Variants in MRPL1 observed in about 807,000 individuals in gnomAD.
MRPL1 encodes the protein mitochondrial ribosomal protein L1.
A neutral mutation model predicts 38.0 loss-of-function variants in MRPL1; 28 were observed. The ratio of observed to expected loss-of-function variants is 0.74; its 90% confidence interval spans 0.55 to 1.01. The LOEUF is 1.01. Ranked by LOEUF, MRPL1 falls within the 50% of genes least tolerant of loss-of-function variation. The pLI is 0.00. For missense variants in MRPL1, 358 were observed against 389.8 expected (o/e 0.92, Z 0.69); for synonymous variants, 123 against 126.7 (o/e 0.97, Z 0.20).
At chr4:77,949,480 T>TG (rs1401925369) in intron 7 of MRPL1, among the ~76,000 whole-genome samples, 1 of 152,280 alleles carries the variant, frequency 6.6e-6, no homozygotes. Flanking sequence ...ACTGTTTTCT[T>TG]GGGGGGTGCG....
At chr4:77,874,254 GGGAT>G (rs1365891879) in intron 2 of MRPL1, among the ~76,000 whole-genome samples, 2 of 152,076 alleles carry the variant, frequency 1.3e-5, no homozygotes, top group South Asian at 2.1e-4. Context: ...CCAAAGTGCT[GGGAT>G]TACAGGTGTG....
chr4:77,932,217 G>A (rs535180305), intron 7 of MRPL1, among the ~76,000 whole-genome samples: 6 of 152,262 alleles, frequency 3.9e-5, no homozygotes, highest in South Asian at 2.1e-4. Flanking sequence ...CTGGAATTAC[G>A]GGGGTGACTA....
In MRPL1 at chr4:77,909,264, A is replaced by G. The variant is rs760789537; in HGVS notation, c.671-2A>G. ...ATTGTGGATTTTACTTTTTCTAACT[A>G]GATTCCATTGGCCGTGACATCCCCA... On this transcript the variant is annotated splice_acceptor_variant, in intron 6 of 8. Coordinates refer to ENST00000315567, the MANE Select transcript of MRPL1 (RefSeq NM_020236.4). LOFTEE classifies it high-confidence loss of function. 1.3e-6 allele frequency: 2 copies of G among 1,583,776 alleles called. No individual in the cohort carries two copies. The highest frequency in any genetic ancestry group is 2.3e-5 in the South Asian group (2 of 88,584).
At chr4:77,871,311 T>C (rs1201239636) in intron 1 of MRPL1, among the ~76,000 whole-genome samples, 2 of 150,980 alleles carry the variant, frequency 1.3e-5, no homozygotes, top group East Asian at 3.9e-4. Context: ...TATTACACTT[T>C]TTTTTTTTTT....
intron 6 of MRPL1, among the ~76,000 whole-genome samples, chr4:77,894,892 T>C (rs1158066413): frequency 6.6e-6 from 1 of 152,048 alleles, no homozygotes; most frequent in Non-Finnish European, 1.5e-5. Flanking sequence ...GATGAATTGA[T>C]TGAGGAGAAT....
chr4:77,925,517 CTTTT>C (rs1487912111), intron 7 of MRPL1, among the ~76,000 whole-genome samples: 6 of 151,496 alleles, frequency 4.0e-5, no homozygotes, highest in Non-Finnish European at 2.9e-5. Context: ...AAGTACTTTT[CTTTT>C]TAAGAACAGT....
At chr4:77,888,646 A>G (rs367654696) in intron 5 of MRPL1, among the ~76,000 whole-genome samples, 1 of 152,174 alleles carries the variant, frequency 6.6e-6, no homozygotes, top group Non-Finnish European at 1.5e-5. Flanking sequence ...CTGAAAATAT[A>G]AAAGATTTTT....
At chr4:77,908,795 G>C (rs4417999) in intron 6 of MRPL1, among the ~76,000 whole-genome samples, 1 of 152,074 alleles carries the variant, frequency 6.6e-6, no homozygotes, top group South Asian at 2.1e-4. Context: ...TGGCCAGAGA[G>C]GTGGTTTCAT....
chr4:77,930,582 G>A (rs1036085592), intron 7 of MRPL1, among the ~76,000 whole-genome samples: 4 of 152,218 alleles, frequency 2.6e-5, no homozygotes, highest in African/African-American at 9.6e-5. Context: ...AACATTAGCA[G>A]AGAAATTTGA....
chr4:77,947,233 A>T (rs939278456), intron 7 of MRPL1, among the ~76,000 whole-genome samples: 4 of 152,178 alleles, frequency 2.6e-5, no homozygotes, highest in Admixed American at 2.6e-4. Context: ...CCGACATAGT[A>T]AGGGTTGCTA....
chr4:77,898,920 A>G (rs1249577623), intron 6 of MRPL1, among the ~76,000 whole-genome samples: 1 of 151,962 alleles, frequency 6.6e-6, no homozygotes, highest in Non-Finnish European at 1.5e-5. Flanking sequence ...TCTTGCGGTC[A>G]TAGAACTAAC....
At chr4:77,939,783 A>G (rs1449572494) in intron 7 of MRPL1, among the ~76,000 whole-genome samples, 3 of 152,112 alleles carry the variant, frequency 2.0e-5, no homozygotes, top group Non-Finnish European at 2.9e-5. Flanking sequence ...TCCCAGCACT[A>G]TTTGTTGAAT....
Position 77,862,861 on chromosome 4 carries a change from G to C in MRPL1, c.13G>C (p.Val5Leu), listed in dbSNP as rs982925697. 6.2e-7 allele frequency: 1 copy of C among 1,613,988 alleles called. No individual in the cohort carries two copies. Among genetic ancestry groups the C allele is most frequent in the Non-Finnish European group, 8.5e-7 (1 of 1,180,020 alleles). ...CGGAGTGCCCAACATGGCGGCGGCC[G>C]TAAGGTGCATGGGTAGAGGTAAGGC... MAAA[V>L]RCMGRALIHH... Residue 5 changes from valine to leucine, a missense_variant, in exon 1 of 9, where the codon GTA (valine) becomes CTA (leucine). Physicochemically the swap from Val to Leu is conservative, Grantham distance 32. Coordinates refer to ENST00000315567, the MANE Select transcript of MRPL1 (RefSeq NM_020236.4).
chr4:77,891,879 T>G (rs1037858214), intron 5 of MRPL1, among the ~76,000 whole-genome samples: 4 of 152,196 alleles, frequency 2.6e-5, no homozygotes, highest in Admixed American at 2.6e-4. Flanking sequence ...GTAGAGGATC[T>G]GTTATTAGAG....
At chr4:77,876,212 A>C (rs1475371699) in intron 2 of MRPL1, among the ~76,000 whole-genome samples, 1 of 152,090 alleles carries the variant, frequency 6.6e-6, no homozygotes, top group Non-Finnish European at 1.5e-5. Flanking sequence ...ACCTCAAGTG[A>C]TCTGCCCGCC....
At chr4:77,945,633 C>T (rs189298750) in intron 7 of MRPL1, among the ~76,000 whole-genome samples, 33 of 151,848 alleles carry the variant, frequency 2.2e-4, no homozygotes, top group Admixed American at 1.8e-3. Context: ...AAGTGTCGGC[C>T]GGCTGAGAAA....
At chr4:77,911,146 T>A (rs1009725541) in intron 7 of MRPL1, among the ~76,000 whole-genome samples, 8 of 152,204 alleles carry the variant, frequency 5.3e-5, no homozygotes, top group South Asian at 4.1e-4. Context: ...CACTATGTGG[T>A]TTTGAAGATT....
intron 7 of MRPL1, among the ~76,000 whole-genome samples, chr4:77,915,556 A>G (rs1420759506): frequency 1.3e-5 from 2 of 152,138 alleles, no homozygotes; most frequent in African/African-American, 4.8e-5. Flanking sequence ...CTGGGACTAC[A>G]GGTGTGCGCC....
rs755463866 is a variant in MRPL1 at position 77,909,278 on chromosome 4, G to A, written c.683G>A (p.Arg228His). 10 of 1,606,070 alleles carry A rather than the reference G, an allele frequency of 6.2e-6. No homozygotes were observed. Among genetic ancestry groups the A allele is most frequent in the African/African-American group, 2.7e-5 (2 of 74,580 alleles). Residue 228 changes from arginine (R) to histidine (H), a missense_variant, in exon 7 of 9, where the codon CGT becomes CAT. Coordinates refer to ENST00000315567, the MANE Select transcript of MRPL1 (RefSeq NM_020236.4). ...YPKLSRNSIG[R>H]DIPKMLELFK... ...TTTTTCTAACTAGATTCCATTGGCC[G>A]TGACATCCCCAAAATGCTTGAATTA...
Sources: allele counts gnomAD v4.1 joint callset (sites outside exome capture counted in the v4.1 genomes callset), GRCh38; gene constraint gnomAD v4.1.1; transcripts MANE v1.5; gene names NCBI Gene and HGNC (gene_info 2026-07-23, HGNC 2026-07-21).